The following SEMA4B variants were observed in gnomAD, a reference collection of about 807,000 sequenced individuals.
SEMA4B encodes semaphorin 4B.
In SEMA4B, 55 loss-of-function variants were observed where a neutral mutation model predicts 88.1. The observed-to-expected ratio is 0.62, with a 90% CI of 0.50 to 0.78. SEMA4B has a LOEUF of 0.78. SEMA4B is among the 30% of genes least tolerant of loss of function. SEMA4B has a pLI of 0.00. For synonymous variants in SEMA4B, 525 were observed against 473.6 expected, an observed-to-expected ratio of 1.11 and a Z score of -1.41; for missense variants, 1,062 against 1,111.9, an observed-to-expected ratio of 0.96 and a Z score of 0.64.
chr15:90,227,635 A>G lies in SEMA4B; in HGVS notation c.1767A>G (p.Val589=), dbSNP rs1962241852. The change falls in exon 13 of 14, where the codon GTA becomes GTG. Residue 589 remains valine, a synonymous_variant. Transcript: ENST00000411539. ...CTTCGGTTGTGTCCCCGTCTTTTGT[A>G]CCAACAGGTGAGGTGCCCCCTCAAA... ...SASSVVSPSF[V]PTGEKPCEQV... is the part of the protein sequence containing the mutation. The G allele has an allele frequency of 6.2e-7, 1 of 1,613,842 alleles. No homozygotes were observed.
chr15:90,224,880 C>A, intron 9 of SEMA4B, 88 bp from the exon 10 acceptor site: 2 of 1,113,918 alleles, frequency 1.8e-6, no homozygotes, highest in Non-Finnish European at 2.7e-6. Context: ...GGGACAGACA[C>A]CGCTACTGTC....
intron 1 of SEMA4B, among the ~76,000 whole-genome samples, chr15:90,213,685 T>C (rs571436505): frequency 6.6e-6 from 1 of 152,368 alleles, no homozygotes; most frequent in East Asian, 1.9e-4. Context: ...GGCGGTCTGC[T>C]GCCCAGACTT....
At chr15:90,227,377 G>A (rs1392400712) in intron 12 of SEMA4B, 180 bp from the exon 13 acceptor site, 9 of 601,604 alleles carry the variant, frequency 1.5e-5, no homozygotes, top group Non-Finnish European at 2.7e-5. Flanking sequence ...ATGTAATTAA[G>A]GGAAGTGTTA....
At chr15:90,222,970 A>AT (rs200324531) in intron 7 of SEMA4B, among the ~76,000 whole-genome samples, 157 of 132,118 alleles carry the variant, frequency 1.2e-3, no homozygotes, top group East Asian at 5.1e-3. Flanking sequence ...ATATATATAC[A>AT]TTTTTTTTTT....
rs949427161 is a variant in SEMA4B, at chr15:90,229,360, T to G, written c.*717T>G. The G allele has an allele frequency of 4.4e-6, 2 of 456,710 alleles. No homozygotes were observed. Among genetic ancestry groups the G allele is most frequent in the Non-Finnish European group, 8.8e-6 (2 of 227,012 alleles). The allele number at this position is 456,710 out of a possible 1,614,324, so 28.3% of individuals were successfully genotyped here. A position where few individuals can be genotyped will look rare whatever the true frequency, so the allele number is the denominator to read the frequency against. On this transcript the variant is annotated 3_prime_UTR_variant, in exon 14 of 14. Coordinates refer to ENST00000411539, the MANE Select transcript of SEMA4B (RefSeq NM_198925.4). The stretch of plus-strand genomic sequence containing the variant: ...AGAGATTTCGTGACAATGTACGCCT[T>G]TCCCTCAGAATTCAGGGAAGAGACT...
In SEMA4B at chr15:90,201,375, C is replaced by T. The variant is rs7175025; in HGVS notation, c.-204C>T. 5,498 of 1,252,908 alleles carry T rather than the reference C, an allele frequency of 4.4e-3. 170 individuals carry two copies. In the African/African-American group the frequency reaches 0.072, roughly 17 times the overall value. The allele number at this position is 1,252,908 out of a possible 1,614,324, so 77.6% of individuals were successfully genotyped here. A position where few individuals can be genotyped will look rare whatever the true frequency, so the allele number is the denominator to read the frequency against. ...CAAGCCGAGGCTGCGGGGCCGGCGCCGGCGGGAGGACTGCGGTGCCCCGCG... is the reference window on the plus strand; with the variant it reads ...CAAGCCGAGGCTGCGGGGCCGGCGCTGGCGGGAGGACTGCGGTGCCCCGCG... On this transcript the variant is annotated 5_prime_UTR_variant, in exon 1 of 14. Transcript: ENST00000411539.
upstream of SEMA4B, among the ~76,000 whole-genome samples, chr15:90,196,627 C>T (rs1266086491): frequency 6.6e-6 from 1 of 152,146 alleles, no homozygotes; most frequent in Non-Finnish European, 1.5e-5. Flanking sequence ...GCTGGGACTA[C>T]AGGTGCGTGC....
intron 1 of SEMA4B, among the ~76,000 whole-genome samples, chr15:90,213,271 G>A (rs1206568067): frequency 1.3e-5 from 2 of 152,220 alleles, no homozygotes; most frequent in African/African-American, 4.8e-5. Flanking sequence ...GGTAGAGGAT[G>A]GCTTTGAACC....
chr15:90,201,177 G>C (rs1422139203), upstream of SEMA4B: 2 of 325,390 alleles, frequency 6.1e-6, no homozygotes, highest in Non-Finnish European at 8.9e-6. Context: ...GCGCTCCGGC[G>C]GCCGCCGGGG....
At chr15:90,197,682 G>C (rs145517243), upstream of SEMA4B, among the ~76,000 whole-genome samples, 3,333 of 151,370 alleles carry the variant, frequency 0.022, 114 homozygotes, top group African/African-American at 0.076. Flanking sequence ...CATGATCCGC[G>C]CACCTCGGCC....
chr15:90,213,543 A>T (rs1390073431), intron 1 of SEMA4B, among the ~76,000 whole-genome samples: 1 of 152,232 alleles, frequency 6.6e-6, no homozygotes, highest in Admixed American at 6.5e-5. Flanking sequence ...TTTCCCCTCC[A>T]GCCGGCTGCA....
intron 9 of SEMA4B, 122 bp from the exon 10 acceptor site, chr15:90,224,846 G>A: frequency 1.3e-6 from 1 of 787,806 alleles, no homozygotes; most frequent in Non-Finnish European, 2.2e-6. Flanking sequence ...GCACTGCCAG[G>A]GATGTGCCCT....
chr15:90,228,780 T>TGGCC lies in SEMA4B; in HGVS notation c.*138_*141dup. Reference sequence around the variant, plus strand: ...GGCCCTTGGGAGCCTTGGGGCCAGCTGGCCTGCTGCTCTCCAGTCAAGTAG... The same window carrying TGGCC: ...GGCCCTTGGGAGCCTTGGGGCCAGCTGGCCGGCCTGCTGCTCTCCAGTCAAGTAG... On this transcript the variant is annotated 3_prime_UTR_variant, in exon 14 of 14. Transcript: ENST00000411539. 1 of 1,137,688 alleles carries TGGCC rather than the reference T, an allele frequency of 8.8e-7. No individual in the cohort carries two copies. Among genetic ancestry groups the TGGCC allele is most frequent in the Non-Finnish European group, 1.2e-6 (1 of 814,668 alleles). The allele number at this position is 1,137,688 out of a possible 1,614,324, so 70.5% of individuals were successfully genotyped here. A position where few individuals can be genotyped will look rare whatever the true frequency, so the allele number is the denominator to read the frequency against.
Position 90,190,793 on chromosome 15 carries a change from A to G in SEMA4B, c.-122+5712A>G, listed in dbSNP as rs948271264. Among the ~76,000 whole-genome samples the G allele has an allele frequency of 5.9e-5, 9 of 151,394 alleles. No homozygotes were observed. The East Asian group carries it at 1.7e-3, about 29-fold the overall frequency. The stretch of plus-strand genomic sequence containing the variant: ...TCTTGCTCTGTGTGCATGTGTGTGT[A>G]TGTGTGTGTGTCAGTGTCTTGCTCT... On this transcript the variant is annotated intron_variant, in intron 1 of 14. Coordinates refer to the SEMA4B transcript ENST00000332496.
At position 90,201,487 on chromosome 15, in the gene SEMA4B, C is replaced by G. The variant is rs1421383272; in HGVS notation, c.-92C>G. ...GGAGGCGGGGGCCCCCGGGGCGACT[C>G]GGGGGCGGACCGCGGGGCGGAGCTG... On this transcript the variant is annotated 5_prime_UTR_variant, in exon 1 of 14. Transcript: ENST00000411539. 4 of 1,312,236 alleles carry G rather than the reference C, an allele frequency of 3.0e-6. No individual in the cohort carries two copies. The highest frequency in any genetic ancestry group is 3.1e-5 in the African/African-American group (2 of 64,310). The allele number at this position is 1,312,236 out of a possible 1,614,324, so 81.3% of individuals were successfully genotyped here.
At chr15:90,214,809 C>A in intron 1 of SEMA4B, 4 of 316,526 alleles carry the variant, frequency 1.3e-5, no homozygotes, top group South Asian at 1.0e-4. Context: ...TTGACCTACT[C>A]GTGAATTTTT....
chr15:90,212,830 T>A lies in SEMA4B; in HGVS notation c.158-4609T>A, dbSNP rs889257210. ...ACGCAAGTCTCTGTTTCTGAGCTGA[T>A]GCCGTCTGGCTTTGGCCATGAGACC... On this transcript the variant is annotated intron_variant, in intron 1 of 13. Coordinates refer to ENST00000411539, the MANE Select transcript of SEMA4B (RefSeq NM_198925.4). The surrounding 1 kb of genome is among the most constrained non-coding windows in gnomAD (Gnocchi z 4.0). Among the ~76,000 whole-genome samples, 5 of 152,228 alleles carry A rather than the reference T, an allele frequency of 3.3e-5. No homozygotes were observed. The highest frequency in any genetic ancestry group is 1.2e-4 in the African/African-American group (5 of 41,466).
rs529984285 is a variant in SEMA4B at position 90,220,630 on chromosome 15, G to C, written c.484-352G>C. On this transcript the variant is annotated intron_variant, in intron 4 of 13. Transcript: ENST00000411539. ...GTGATCCACCCGCCTCGGCCTCCCA[G>C]AGTGCTGGGATTACAGGTGTGAGCC... 3.3e-3 allele frequency among the ~76,000 whole-genome samples: 497 copies of C among 151,630 alleles called. 2 individuals are homozygous for C. Among genetic ancestry groups the C allele is most frequent in the African/African-American group, 0.011 (462 of 41,382 alleles).
intron 1 of SEMA4B, among the ~76,000 whole-genome samples, chr15:90,188,016 A>G (rs1363232263): frequency 3.3e-5 from 5 of 150,308 alleles, no homozygotes; most frequent in African/African-American, 7.5e-5. Flanking sequence ...AAAAAAAAAA[A>G]AAAGAAAGAA....
Sources: gnomAD v4.1 joint callset for allele counts (sites outside exome capture counted in the v4.1 genomes callset) on GRCh38, gnomAD v4.1.1 for gene constraint, Gnocchi (gnomAD v3.1) non-coding constraint, MANE v1.5 for transcripts, NCBI Gene and HGNC (gene_info 2026-07-23, HGNC 2026-07-21) for gene names.